ATG10: variants seen among roughly 807,000 people sequenced by gnomAD.
ATG10 encodes autophagy related 10, also known as ubiquitin-like-conjugating enzyme ATG10.
A neutral mutation model predicts 32.1 loss-of-function variants in ATG10; 30 were observed. That is an observed-to-expected ratio of 0.94 (90% CI 0.70 to 1.27). The LOEUF (loss-of-function observed/expected upper bound fraction) is 1.27. ATG10 is among the 50% of genes most tolerant of loss of function. The probability of loss-of-function intolerance (pLI) is 0.00; values close to 1 mark genes in which losing one functional copy is unlikely to be tolerated. For synonymous variants in ATG10, 87 were observed against 91.5 expected, an observed-to-expected ratio of 0.95 and a Z score of 0.28; for missense variants, 233 against 262.3, an observed-to-expected ratio of 0.89 and a Z score of 0.77.
chr5:82,202,568 C>T (rs1032213664), intron 5 of ATG10, among the ~76,000 whole-genome samples: 1 of 152,156 alleles, frequency 6.6e-6, no homozygotes, highest in Non-Finnish European at 1.5e-5. Context: ...GGATCCATTA[C>T]TCCAGCTATG....
At chr5:82,174,188 G>A (rs1018927608) in intron 4 of ATG10, among the ~76,000 whole-genome samples, 7 of 152,132 alleles carry the variant, frequency 4.6e-5, no homozygotes, top group Non-Finnish European at 7.4e-5. Context: ...ACTAACTTTT[G>A]TGTGTCTTTG....
At chr5:82,027,076 AAAT>A (rs1360384485) in intron 2 of ATG10, among the ~76,000 whole-genome samples, 2 of 7,448 alleles carry the variant, frequency 2.7e-4, no homozygotes, top group East Asian at 0.33. Flanking sequence ...TGAATAAATA[AAAT>A]AAATAAATAA....
intron 2 of ATG10, among the ~76,000 whole-genome samples, chr5:82,015,032 A>C (rs557042629): frequency 6.6e-6 from 1 of 152,178 alleles, no homozygotes; most frequent in African/African-American, 2.4e-5. Context: ...GGTGGTGACA[A>C]AATCTCTCAG....
intron 2 of ATG10, among the ~76,000 whole-genome samples, chr5:82,024,850 G>A (rs1762550232): frequency 6.6e-6 from 1 of 152,172 alleles, no homozygotes; most frequent in Non-Finnish European, 1.5e-5. Context: ...GAGTGGAGTT[G>A]GTGTTGACAT....
intron 3 of ATG10, among the ~76,000 whole-genome samples, chr5:82,132,602 G>A (rs1766586102): frequency 6.6e-6 from 1 of 152,060 alleles, no homozygotes; most frequent in Admixed American, 6.6e-5. Flanking sequence ...TTTTATGAGT[G>A]CATGTTATTC....
At chr5:82,107,299 C>T (rs796516538) in intron 3 of ATG10, among the ~76,000 whole-genome samples, 1 of 151,960 alleles carries the variant, frequency 6.6e-6, no homozygotes, top group Non-Finnish European at 1.5e-5. Flanking sequence ...TCAGTTTTGT[C>T]CCTGTAAACA....
At chr5:82,074,503 A>G (rs1764217089) in intron 3 of ATG10, among the ~76,000 whole-genome samples, 1 of 151,946 alleles carries the variant, frequency 6.6e-6, no homozygotes, top group South Asian at 2.1e-4. Context: ...TTTTGTTACT[A>G]TCTGTGCTCC....
chr5:82,124,372 C>G (rs1221890627), intron 3 of ATG10, among the ~76,000 whole-genome samples: 1 of 150,632 alleles, frequency 6.6e-6, no homozygotes, highest in African/African-American at 2.4e-5. Flanking sequence ...AATAGGTATA[C>G]ATGTGCCATG....
intron 5 of ATG10, among the ~76,000 whole-genome samples, chr5:82,244,692 C>G (rs1362091853): frequency 6.6e-6 from 1 of 152,104 alleles, no homozygotes; most frequent in Non-Finnish European, 1.5e-5. Flanking sequence ...AAGAAATGAA[C>G]CAAGTAACTC....
At chr5:82,100,327 G>A in intron 3 of ATG10, among the ~76,000 whole-genome samples, 1 of 151,928 alleles carries the variant, frequency 6.6e-6, no homozygotes, top group Admixed American at 6.6e-5. Flanking sequence ...TTTTTTCTAA[G>A]TATTTGTTAT....
At chr5:82,159,983 G>A (rs1743249454) in intron 3 of ATG10, among the ~76,000 whole-genome samples, 1 of 152,020 alleles carries the variant, frequency 6.6e-6, no homozygotes, top group South Asian at 2.1e-4. Context: ...TCAGAACCAG[G>A]ATGTTGACAT....
chr5:82,223,510 G>A (rs1746006441), intron 5 of ATG10, among the ~76,000 whole-genome samples: 1 of 152,036 alleles, frequency 6.6e-6, no homozygotes, highest in African/African-American at 2.4e-5. Context: ...TCATCTTGGT[G>A]GCATCATCTT....
At chr5:82,047,405 G>A (rs1763265211) in intron 2 of ATG10, among the ~76,000 whole-genome samples, 1 of 152,184 alleles carries the variant, frequency 6.6e-6, no homozygotes, top group Non-Finnish European at 1.5e-5. Flanking sequence ...ACTGTTAAAA[G>A]TAATTAATAA....
At chr5:82,136,848 CA>C (rs1766776889) in intron 3 of ATG10, among the ~76,000 whole-genome samples, 1 of 152,184 alleles carries the variant, frequency 6.6e-6, no homozygotes, top group Non-Finnish European at 1.5e-5. Flanking sequence ...TCAGGTACAC[CA>C]ATCAATGTAG....
intron 6 of ATG10, 28 bp downstream of exon 6, chr5:82,252,687 C>A: frequency 7.6e-7 from 1 of 1,317,056 alleles, no homozygotes; most frequent in Admixed American, 2.2e-5. Context: ...GATACATTGG[C>A]TTCTACTCTG....
chr5:82,062,936 C>T lies in ATG10; in HGVS notation c.216+4334C>T, dbSNP rs979330786. On this transcript the variant is annotated intron_variant, in intron 3 of 7. Transcript: ENST00000282185. ...TATTTTCCTCTTAAGTTCTCTCTTT[C>T]TTCATCATAGATTTGTTTATAACTT... Among the ~76,000 whole-genome samples the T allele has an allele frequency of 2.0e-5, 3 of 152,186 alleles. No homozygotes were observed. The South Asian group carries it at 6.2e-4, about 31-fold the overall frequency.
chr5:82,047,939 T>G (rs1763280347), intron 2 of ATG10, among the ~76,000 whole-genome samples: 1 of 152,100 alleles, frequency 6.6e-6, no homozygotes, highest in African/African-American at 2.4e-5. Context: ...TACATATGGC[T>G]AGCCAGTTTT....
chr5:82,077,691 C>T (rs892668795), intron 3 of ATG10, among the ~76,000 whole-genome samples: 7 of 152,146 alleles, frequency 4.6e-5, no homozygotes, highest in African/African-American at 7.2e-5. Flanking sequence ...GTAGTGCAGA[C>T]GTCTTTGCAT....
intron 5 of ATG10, among the ~76,000 whole-genome samples, chr5:82,230,250 A>G (rs1746302664): frequency 6.6e-6 from 1 of 152,210 alleles, no homozygotes; most frequent in South Asian, 2.1e-4. Flanking sequence ...TACTTAAAAC[A>G]GTGAGGGACT....
Sources: gnomAD v4.1 joint callset for allele counts (sites outside exome capture counted in the v4.1 genomes callset) on GRCh38, gnomAD v4.1.1 for gene constraint, MANE v1.5 for transcripts, NCBI Gene and HGNC (gene_info 2026-07-23, HGNC 2026-07-21) for gene names.